SYNPO: variants seen among roughly 807,000 people sequenced by gnomAD.
SYNPO encodes synaptopodin.
Under a neutral mutation model 49.5 loss-of-function variants are expected in SYNPO, and 19 were observed. The ratio of observed to expected loss-of-function variants is 0.38; its 90% CI spans 0.27 to 0.56. The LOEUF is 0.56. SYNPO is among the 20% of genes least tolerant of loss of function. The probability of loss-of-function intolerance (pLI) is 0.68; values close to 1 mark genes in which losing one functional copy is unlikely to be tolerated. For missense variants in SYNPO, 1,131 were observed against 1,248.3 expected (o/e 0.91, Z 1.42); for synonymous variants, 536 against 548.0 (o/e 0.98, Z 0.31).
At chr5:150,618,726 G>A in exon 2 of SYNPO, 3 of 1,551,342 alleles carry the variant, frequency 1.9e-6, no homozygotes, top group East Asian at 2.4e-5. Flanking sequence ...ATGACAGCCA[G>A]CCCCAGCCCT....
chr5:150,618,763 A>G (rs748635879), exon 2 of SYNPO: 1 of 1,551,044 alleles, frequency 6.4e-7, no homozygotes, highest in African/African-American at 1.4e-5. Context: ...TGGCCCAGAA[A>G]CCAGGTAAGC....
intron 2 of SYNPO, chr5:150,651,928 T>C (rs1758402098): frequency 2.0e-6 from 2 of 1,000,322 alleles, no homozygotes; most frequent in South Asian, 4.7e-5. Flanking sequence ...AGGATTCAGA[T>C]GGAAGCTTCG....
chr5:150,640,509 G>A, upstream of SYNPO: 1 of 364,406 alleles, frequency 2.7e-6, no homozygotes, highest in South Asian at 1.1e-4. Context: ...CATGTCCTGG[G>A]GAGGCAGCAG....
At chr5:150,597,797 C>T (rs975589416), upstream of SYNPO, among the ~76,000 whole-genome samples, 1 of 152,162 alleles carries the variant, frequency 6.6e-6, no homozygotes, top group African/African-American at 2.4e-5. Context: ...TGCCACCACC[C>T]TGGCTAATTT....
chr5:150,642,431 A>G (rs964185886), intron 1 of SYNPO, among the ~76,000 whole-genome samples: 1 of 152,214 alleles, frequency 6.6e-6, no homozygotes, highest in Non-Finnish European at 1.5e-5. Flanking sequence ...CGGTGGGGAC[A>G]TCATGACTTG....
chr5:150,647,258 A>AC (rs1758136010), intron 1 of SYNPO, among the ~76,000 whole-genome samples: 1 of 152,178 alleles, frequency 6.6e-6, no homozygotes, highest in African/African-American at 2.4e-5. Flanking sequence ...AAAAAAAAAA[A>AC]AAAGTCAGGC....
chr5:150,651,005 C>A, intron 2 of SYNPO: 1 of 1,235,620 alleles, frequency 8.1e-7, no homozygotes, highest in East Asian at 3.3e-5. Flanking sequence ...TTCCTGCCCC[C>A]TCTGAGGCCT....
intron 2 of SYNPO, among the ~76,000 whole-genome samples, chr5:150,628,164 G>A (rs767843597): frequency 9.9e-5 from 15 of 152,120 alleles, no homozygotes; most frequent in Non-Finnish European, 1.3e-4. Context: ...TGTAGGCCCT[G>A]TAATTCCAAA....
chr5:150,610,949 G>A (rs889757792), intron 1 of SYNPO, among the ~76,000 whole-genome samples: 1 of 152,138 alleles, frequency 6.6e-6, no homozygotes, highest in African/African-American at 2.4e-5. Context: ...TGTCTCCCAA[G>A]GGTTTGTAGG....
upstream of SYNPO, among the ~76,000 whole-genome samples, chr5:150,638,052 T>A (rs1350739222): frequency 4.0e-5 from 6 of 151,768 alleles, no homozygotes; most frequent in African/African-American, 1.5e-4. Flanking sequence ...TCTATCAAAG[T>A]TTCCTTTCTA....
At chr5:150,598,955 C>T (rs1465923393), upstream of SYNPO, among the ~76,000 whole-genome samples, 3 of 152,166 alleles carry the variant, frequency 2.0e-5, no homozygotes, top group Non-Finnish European at 4.4e-5. Flanking sequence ...TCTAGCCCCT[C>T]ATATGGCCGG....
At chr5:150,587,502 T>C in the SYNPO span, among the ~76,000 whole-genome samples, 1 of 151,956 alleles carries the variant, frequency 6.6e-6, no homozygotes, top group Non-Finnish European at 1.5e-5. Flanking sequence ...GATGGATACA[T>C]GGAGGGGTGG....
At chr5:150,613,711 G>T (rs1049204437) in intron 1 of SYNPO, among the ~76,000 whole-genome samples, 1 of 152,122 alleles carries the variant, frequency 6.6e-6, no homozygotes, top group Non-Finnish European at 1.5e-5. Context: ...AGGAATGAGG[G>T]TCTAGTCTTC....
chr5:150,627,208 A>G (rs1757385178), intron 2 of SYNPO, among the ~76,000 whole-genome samples: 1 of 152,198 alleles, frequency 6.6e-6, no homozygotes, highest in African/African-American at 2.4e-5. Flanking sequence ...TGCCCAGATC[A>G]GGGCACCGTG....
intron 2 of SYNPO, among the ~76,000 whole-genome samples, chr5:150,635,460 A>G (rs929276865): frequency 8.5e-5 from 13 of 152,186 alleles, no homozygotes; most frequent in Non-Finnish European, 1.6e-4. Flanking sequence ...CATTAAAGAA[A>G]ACATTTTTTT....
At position 150,649,887 on chromosome 5, in the gene SYNPO, C is replaced by G. The variant is rs753494176; in HGVS notation, c.1612C>G (p.Arg538Gly). The change falls in exon 2 of 3, where the codon CGG becomes GGG. Residue 538 changes from arginine to glycine, a missense_variant. By Grantham distance (125) the Arg-to-Gly change is moderately radical. Coordinates refer to ENST00000307662, the MANE Select transcript of SYNPO (RefSeq NM_007286.6). ...CCGAGTGGCATCCCGAAGCCCAGCC[C>G]GGACCCCGCCTGCCTCCCTCTACCA... is the stretch of plus-strand genomic sequence containing the variant. The part of the protein sequence containing the change: ...AFRVASRSPA[R>G]TPPASLYHGY... The G allele has an allele frequency of 6.2e-7, 1 of 1,610,132 alleles. No homozygotes were observed. Among genetic ancestry groups the G allele is most frequent in the East Asian group, 2.2e-5 (1 of 44,872 alleles).
chr5:150,593,796 G>C, the SYNPO span, among the ~76,000 whole-genome samples: 4 of 152,228 alleles, frequency 2.6e-5, no homozygotes, highest in Admixed American at 1.3e-4. Context: ...ATTTGTGTCT[G>C]TTCTGGTTGG....
the SYNPO span, among the ~76,000 whole-genome samples, chr5:150,588,353 C>T: frequency 6.6e-6 from 1 of 152,200 alleles, no homozygotes; most frequent in Non-Finnish European, 1.5e-5. Context: ...ACATAACCTT[C>T]CTGGAACTTT....
chr5:150,650,800 G>GAAA, intron 2 of SYNPO: 1 of 1,289,788 alleles, frequency 7.8e-7, no homozygotes, highest in Admixed American at 3.7e-5. Context: ...TCCCTCCTGA[G>GAAA]GCTCAAGCTC....
Sources: allele counts gnomAD v4.1 joint callset (sites outside exome capture counted in the v4.1 genomes callset), GRCh38; gene constraint gnomAD v4.1.1; transcripts MANE v1.5; gene names NCBI Gene and HGNC (gene_info 2026-07-23, HGNC 2026-07-21).